Variants in STK3 observed in about 807,000 individuals in gnomAD.
STK3 encodes the protein serine/threonine-protein kinase 3.
STK3 carries 41 observed loss-of-function variants against 58.0 expected under a neutral mutation model. That is an observed-to-expected ratio of 0.71 (90% CI 0.55 to 0.92). The LOEUF (loss-of-function observed/expected upper bound fraction) is 0.92, where lower values mean the gene tolerates loss of function less well. Among genes scored for constraint, STK3 ranks in the 40% least tolerant of loss-of-function variants. The pLI, the probability that STK3 is intolerant of heterozygous loss-of-function variation, is 0.00. For missense variants in STK3, 479 were observed against 602.7 expected, an observed-to-expected ratio of 0.79 and a Z score of 2.15; for synonymous variants, 170 against 191.0, an observed-to-expected ratio of 0.89 and a Z score of 0.91.
intron 1 of STK3, among the ~76,000 whole-genome samples, chr8:98,447,413 A>G (rs557808142): frequency 1.3e-5 from 2 of 152,070 alleles, no homozygotes; most frequent in East Asian, 3.9e-4. Context: ...AACTAAGGAA[A>G]TGAATTGACT....
At chr8:98,383,502 T>C (rs1817759804) in intron 1 of STK3, among the ~76,000 whole-genome samples, 1 of 152,252 alleles carries the variant, frequency 6.6e-6, no homozygotes, top group African/African-American at 2.4e-5. Flanking sequence ...TTGTGAATAC[T>C]GGCTCACCGT....
At chr8:98,413,035 A>G (rs1735023880) in intron 3 of STK3, 1 of 225,052 alleles carries the variant, frequency 4.4e-6, no homozygotes, top group Non-Finnish European at 8.7e-6. Flanking sequence ...TTGTTTTGAG[A>G]CAGGATCTCA....
intron 7 of STK3, among the ~76,000 whole-genome samples, chr8:98,583,294 C>T (rs1262267436): frequency 1.3e-5 from 2 of 152,046 alleles, no homozygotes; most frequent in Non-Finnish European, 2.9e-5. Context: ...ATCATGGGAG[C>T]GAGGGCAGAG....
Position 98,455,664 on chromosome 8 carries a change from G to T in STK3, c.*178C>A. 1.5e-6 allele frequency: 1 copy of T among 649,872 alleles called. No individual in the cohort carries two copies. Among genetic ancestry groups the T allele is most frequent in the Non-Finnish European group, 2.6e-6 (1 of 382,890 alleles). 40.3% of individuals were successfully genotyped at this position (649,872 alleles called of 1,614,324 possible). ...CTCCTCATCTTAGAGTGAATGCACA[G>T]CAGATACAACTGTCAATTCTGCCTT... On this transcript the variant is annotated 3_prime_UTR_variant, in exon 11 of 11. Transcript: ENST00000419617.
intron 1 of STK3, among the ~76,000 whole-genome samples, chr8:98,924,631 G>T (rs1277515836): frequency 6.6e-6 from 1 of 152,134 alleles, no homozygotes; most frequent in Admixed American, 6.5e-5. Context: ...CATGGAAGTG[G>T]GTTTATATTT....
At chr8:98,459,059 G>C (rs570348348) in intron 10 of STK3, among the ~76,000 whole-genome samples, 2 of 152,350 alleles carry the variant, frequency 1.3e-5, no homozygotes, top group Admixed American at 6.5e-5. Flanking sequence ...CTCAGAAGAA[G>C]TTAAGAAGAT....
At chr8:98,883,488 A>C, downstream of STK3, 1 of 565,156 alleles carries the variant, frequency 1.8e-6, no homozygotes, top group Non-Finnish European at 3.2e-6. Flanking sequence ...AAATCCAAAC[A>C]CTCTTCTGTA....
chr8:98,883,058 T>C (rs1488881770), downstream of STK3: 1 of 152,420 alleles, frequency 6.6e-6, no homozygotes, highest in Non-Finnish European at 1.5e-5. Flanking sequence ...AAAAGGCCTA[T>C]GGTAAGCACA....
At chr8:98,761,844 T>C (rs1830637314) in intron 3 of STK3, among the ~76,000 whole-genome samples, 1 of 152,186 alleles carries the variant, frequency 6.6e-6, no homozygotes, top group Admixed American at 6.5e-5. Flanking sequence ...ATTTATTTAT[T>C]TATTTGCCTC....
At chr8:98,523,289 T>C (rs537899867) in intron 10 of STK3, among the ~76,000 whole-genome samples, 90 of 152,344 alleles carry the variant, frequency 5.9e-4, no homozygotes, top group African/African-American at 2.0e-3. Context: ...ATTTCTCTAA[T>C]GATTAATGAT....
rs528985414 is a variant in STK3 at position 98,511,866 on chromosome 8, A to G, written c.1317+14876T>C. On this transcript the variant is annotated intron_variant, in intron 10 of 10. Coordinates refer to ENST00000419617, the MANE Select transcript of STK3 (RefSeq NM_006281.4). ...CTTTAAAGAAATATTCATTTAAGTT[A>G]GAGGTTATGTATTAAATTGTTGCCA... 2.0e-5 allele frequency among the ~76,000 whole-genome samples: 3 copies of G among 152,314 alleles called. No individual in the cohort carries two copies. In the South Asian group the frequency reaches 6.2e-4, roughly 32 times the overall value.
chr8:98,427,917 C>T, intron 3 of STK3: 2 of 1,375,718 alleles, frequency 1.5e-6, no homozygotes, highest in Non-Finnish European at 1.9e-6. Context: ...CTCTCGCCGA[C>T]GCTGTTCCCT....
intron 6 of STK3, among the ~76,000 whole-genome samples, chr8:98,701,663 TA>T (rs1280070045): frequency 2.7e-5 from 4 of 150,594 alleles, no homozygotes; most frequent in Non-Finnish European, 4.4e-5. Flanking sequence ...CACACACATA[TA>T]TATACACACA....
intron 4 of STK3, among the ~76,000 whole-genome samples, chr8:98,731,257 G>A (rs1027217443): frequency 6.6e-6 from 1 of 152,124 alleles, no homozygotes; most frequent in Non-Finnish European, 1.5e-5. Flanking sequence ...AGGGTAGGGA[G>A]AGCAAGAGGG....
chr8:98,580,861 T>C (rs191709266), intron 7 of STK3, among the ~76,000 whole-genome samples: 30 of 152,342 alleles, frequency 2.0e-4, no homozygotes, highest in Non-Finnish European at 3.8e-4. Flanking sequence ...AATAGATACT[T>C]GAAAGAGGGT....
intron 3 of STK3, among the ~76,000 whole-genome samples, chr8:98,420,399 T>C (rs112220479): frequency 1.8e-3 from 267 of 152,322 alleles, no homozygotes; most frequent in African/African-American, 5.5e-3. Context: ...TGTTCTATTC[T>C]ATTATTAGTT....
At chr8:98,620,925 ATTTTT>A (rs534225654) in intron 6 of STK3, among the ~76,000 whole-genome samples, 2 of 130,252 alleles carry the variant, frequency 1.5e-5, no homozygotes, top group Non-Finnish European at 3.3e-5. Flanking sequence ...AAAACAACTG[ATTTTT>A]TTTTTTTTTT....
At chr8:98,402,227 C>A (rs559629277) in intron 3 of STK3, among the ~76,000 whole-genome samples, 1 of 152,258 alleles carries the variant, frequency 6.6e-6, no homozygotes, top group East Asian at 1.9e-4. Context: ...AGAGCAGGGA[C>A]CTGAACCCAG....
intron 6 of STK3, among the ~76,000 whole-genome samples, chr8:98,689,974 G>C (rs950391505): frequency 6.6e-6 from 1 of 151,932 alleles, no homozygotes; most frequent in East Asian, 1.9e-4. Flanking sequence ...CACAGAAAAG[G>C]CTTTTGACAA....
Sources: gnomAD v4.1 joint callset for allele counts (sites outside exome capture counted in the v4.1 genomes callset) on GRCh38, gnomAD v4.1.1 for gene constraint, MANE v1.5 for transcripts, NCBI Gene and HGNC (gene_info 2026-07-23, HGNC 2026-07-21) for gene names.